The following FBXO16 variants were observed in gnomAD, a reference collection of about 807,000 sequenced individuals.
FBXO16 encodes the protein F-box protein 16.
In FBXO16, 31 loss-of-function variants were observed where a neutral mutation model predicts 41.0. The ratio of observed to expected loss-of-function variants is 0.76; its 90% CI spans 0.57 to 1.02. The LOEUF is 1.02. FBXO16 is among the 50% of genes least tolerant of loss of function. The probability of loss-of-function intolerance (pLI) is 0.00; values close to 1 mark genes in which losing one functional copy is unlikely to be tolerated. For missense variants in FBXO16, 361 were observed against 346.2 expected, an observed-to-expected ratio of 1.04 and a Z score of -0.34; for synonymous variants, 133 against 117.8, an observed-to-expected ratio of 1.13 and a Z score of -0.84.
chr8:28,458,677 C>T (rs1280338887), intron 4 of FBXO16, among the ~76,000 whole-genome samples: 2 of 151,748 alleles, frequency 1.3e-5, no homozygotes, highest in East Asian at 3.9e-4. Context: ...CTCAGCCTCC[C>T]GAGTAGCTGG....
chr8:28,468,576 T>C (rs1267546328), intron 3 of FBXO16, among the ~76,000 whole-genome samples: 1 of 152,170 alleles, frequency 6.6e-6, no homozygotes, highest in Admixed American at 6.6e-5. Context: ...ACATCTGTAG[T>C]CCCAGCACTT....
At chr8:28,488,401 A>G (rs551773766) in intron 1 of FBXO16, among the ~76,000 whole-genome samples, 2 of 147,804 alleles carry the variant, frequency 1.4e-5, no homozygotes, top group Non-Finnish European at 3.0e-5. Flanking sequence ...GGCTCAAGCA[A>G]TTCTCCATGT....
chr8:28,454,307 A>G (rs1211148208), intron 5 of FBXO16, among the ~76,000 whole-genome samples: 3 of 151,926 alleles, frequency 2.0e-5, no homozygotes, highest in African/African-American at 4.9e-5. Context: ...CTGAGCTTCT[A>G]TTGAATTAAA....
chr8:28,429,375 C>CA lies in FBXO16; in HGVS notation c.869+2dup. 2 of 1,613,906 alleles carry CA rather than the reference C, an allele frequency of 1.2e-6. No homozygotes were observed. Among genetic ancestry groups the CA allele is most frequent in the Non-Finnish European group, 1.7e-6 (2 of 1,179,936 alleles). ...ACAGGTTGATATCACAACCGAAACT[C>CA]ACAGTGGGAAGGGATTTCTCCTCGA... On this transcript the variant is annotated splice_region_variant and intron_variant, in intron 8 of 8. Coordinates refer to ENST00000380254, the MANE Select transcript of FBXO16 (RefSeq NM_172366.4).
At chr8:28,483,203 A>G in intron 2 of FBXO16, 145 bp downstream of exon 2, 1 of 710,910 alleles carries the variant, frequency 1.4e-6, no homozygotes, top group East Asian at 3.0e-5. Flanking sequence ...GTTCAATAAA[A>G]GTTTTGGAAT....
At chr8:28,483,203 AG>A in intron 2 of FBXO16, 144 bp downstream of exon 2, 1 of 710,910 alleles carries the variant, frequency 1.4e-6, no homozygotes, top group South Asian at 2.4e-5. Flanking sequence ...GTTCAATAAA[AG>A]TTTTGGAATA....
chr8:28,467,814 G>T (rs1460892245), intron 3 of FBXO16, among the ~76,000 whole-genome samples: 2 of 152,186 alleles, frequency 1.3e-5, no homozygotes, highest in African/African-American at 4.8e-5. Context: ...CGATTAAAAA[G>T]ATAATTACAT....
At chr8:28,488,622 GTCA>G (rs1272315337) in intron 1 of FBXO16, among the ~76,000 whole-genome samples, 1 of 152,026 alleles carries the variant, frequency 6.6e-6, no homozygotes, top group Non-Finnish European at 1.5e-5. Flanking sequence ...TCTTCACACT[GTCA>G]TCATTATTTA....
chr8:28,439,409 G>C (rs1802730765), intron 7 of FBXO16, among the ~76,000 whole-genome samples: 1 of 151,984 alleles, frequency 6.6e-6, no homozygotes, highest in Non-Finnish European at 1.5e-5. Context: ...GATATTTTTG[G>C]TTCTGCACAT....
intron 6 of FBXO16, 79 bp downstream of exon 6, chr8:28,452,165 T>A (rs1802964397): frequency 7.4e-7 from 1 of 1,348,072 alleles, no homozygotes; most frequent in South Asian, 1.4e-5. Context: ...TAAGTTCTAT[T>A]TCCATCTCTT....
intron 3 of FBXO16, among the ~76,000 whole-genome samples, chr8:28,473,237 C>T (rs1803365408): frequency 6.6e-6 from 1 of 152,170 alleles, no homozygotes; most frequent in Admixed American, 6.5e-5. Flanking sequence ...CTGACCAAAT[C>T]CTAACTGATA....
intron 7 of FBXO16, among the ~76,000 whole-genome samples, chr8:28,444,481 CTT>C (rs1206057786): frequency 8.4e-5 from 9 of 106,746 alleles, no homozygotes; most frequent in African/African-American, 1.8e-4. Flanking sequence ...TTTTTCTTTT[CTT>C]TTTTTTTTTT....
chr8:28,452,212 G>A lies in FBXO16; in HGVS notation c.740+32C>T, dbSNP rs200232057. The A allele has an allele frequency of 6.8e-5, 106 of 1,568,668 alleles. No individual in the cohort carries two copies. The African/African-American group carries it at 8.9e-4, about 13-fold the overall frequency. ...ATGCCAATAAATTATTTCTAAAAAC[G>A]AAGAAGTTGAGAAGAGCATGGAGCT... On this transcript the variant is annotated intron_variant, in intron 6 of 8. Coordinates refer to ENST00000380254, the MANE Select transcript of FBXO16 (RefSeq NM_172366.4).
chr8:28,461,520 C>T (rs983889592), intron 4 of FBXO16, among the ~76,000 whole-genome samples: 2 of 151,392 alleles, frequency 1.3e-5, no homozygotes, highest in African/African-American at 4.9e-5. Context: ...ATTACTTGTT[C>T]ATTTCCTTTG....
At chr8:28,455,794 A>T (rs1267071520) in intron 5 of FBXO16, 2 of 152,226 alleles carry the variant, frequency 1.3e-5, no homozygotes, top group African/African-American at 4.8e-5. Flanking sequence ...AATCAGAAAG[A>T]CTTTTATCAT....
intron 7 of FBXO16, among the ~76,000 whole-genome samples, chr8:28,434,261 CCT>C (rs1198597701): frequency 2.6e-5 from 4 of 151,942 alleles, no homozygotes; most frequent in African/African-American, 7.3e-5. Context: ...GCACCTGGCC[CCT>C]GATTGATTTT....
chr8:28,465,943 C>G (rs1803231399), intron 3 of FBXO16, among the ~76,000 whole-genome samples: 1 of 152,206 alleles, frequency 6.6e-6, no homozygotes, highest in African/African-American at 2.4e-5. Context: ...GGAGCTCAGT[C>G]CAAAACAATG....
intron 7 of FBXO16, among the ~76,000 whole-genome samples, chr8:28,432,655 A>G (rs1303161120): frequency 6.6e-6 from 1 of 152,158 alleles, no homozygotes; most frequent in East Asian, 1.9e-4. Flanking sequence ...ATGACCCTTT[A>G]CGAATGTGCA....
chr8:28,471,900 G>A (rs182228105), intron 3 of FBXO16, among the ~76,000 whole-genome samples: 14 of 151,442 alleles, frequency 9.2e-5, no homozygotes, highest in Admixed American at 6.6e-4. Flanking sequence ...TCCTTTTGAG[G>A]CACAGATGAG....
Sources: gnomAD v4.1 joint callset for allele counts (sites outside exome capture counted in the v4.1 genomes callset) on GRCh38, gnomAD v4.1.1 for gene constraint, MANE v1.5 for transcripts, NCBI Gene and HGNC (gene_info 2026-07-23, HGNC 2026-07-21) for gene names.